The following MDH2 variants were observed in gnomAD, a reference collection of about 807,000 sequenced individuals.
MDH2 encodes malate dehydrogenase 2.
In MDH2, 25 loss-of-function variants were observed where a neutral mutation model predicts 33.6. The ratio of observed to expected loss-of-function variants is 0.74; its 90% CI spans 0.54 to 1.04. The LOEUF (loss-of-function observed/expected upper bound fraction) is 1.04. Among genes scored for constraint, MDH2 ranks in the 50% least tolerant of loss-of-function variants. The pLI is 0.00. For synonymous variants in MDH2, 193 were observed against 188.7 expected, an observed-to-expected ratio of 1.02 and a Z score of -0.19; for missense variants, 432 against 445.0, an observed-to-expected ratio of 0.97 and a Z score of 0.26.
At chr7:76,049,612 G>T (rs911482183) in intron 1 of MDH2, among the ~76,000 whole-genome samples, 1 of 152,136 alleles carries the variant, frequency 6.6e-6, no homozygotes, top group African/African-American at 2.4e-5. Context: ...GGGGTGTCCA[G>T]GGAGAGGTTG....
intron 1 of MDH2, 131 bp from the exon 2 acceptor site, chr7:76,054,699 C>A (rs1449156116): frequency 2.9e-6 from 3 of 1,052,026 alleles, no homozygotes; most frequent in East Asian, 2.4e-5. Flanking sequence ...GAGACTGTTA[C>A]AAATACAATG....
intron 4 of MDH2, among the ~76,000 whole-genome samples, chr7:76,059,253 C>T (rs927767285): frequency 6.6e-6 from 1 of 152,200 alleles, no homozygotes; most frequent in African/African-American, 2.4e-5. Context: ...CAGTTTAAAA[C>T]CCATGAATTC....
At chr7:76,051,800 T>C (rs1284942250) in intron 1 of MDH2, among the ~76,000 whole-genome samples, 1 of 152,140 alleles carries the variant, frequency 6.6e-6, no homozygotes, top group Admixed American at 6.5e-5. Flanking sequence ...CATATGTCGG[T>C]TTTCAACACA....
chr7:76,054,671 C>G (rs938398963), intron 1 of MDH2, 159 bp from the exon 2 acceptor site: 1 of 849,038 alleles, frequency 1.2e-6, no homozygotes, highest in African/African-American at 1.7e-5. Flanking sequence ...GAATGAAGGT[C>G]CTGAATTCTT....
chr7:76,066,512 T>C lies in MDH2; in HGVS notation c.*102T>C. 7.1e-7 allele frequency: 1 copy of C among 1,413,032 alleles called. No homozygotes were observed. The allele number at this position is 1,413,032 out of a possible 1,614,324, so 87.5% of individuals were successfully genotyped here. ...GTATTTTAATTTGCTTTGGTGATGA[T>C]TACTGTATTGACATCATCATGCCTT... On this transcript the variant is annotated 3_prime_UTR_variant, in exon 9 of 9. Transcript: ENST00000315758.
At chr7:76,054,803 G>C (rs528050550) in intron 1 of MDH2, 27 bp from the exon 2 acceptor site, 1 of 1,613,862 alleles carries the variant, frequency 6.2e-7, no homozygotes, top group South Asian at 1.1e-5. Flanking sequence ...TTCCTCCTAA[G>C]AGTCCTTTCT....
At chr7:76,048,970 G>T in intron 1 of MDH2, 1 of 415,926 alleles carries the variant, frequency 2.4e-6, no homozygotes, top group Non-Finnish European at 2.8e-6. Flanking sequence ...CATTGAAGAA[G>T]CTTAAGACTG....
intron 1 of MDH2, among the ~76,000 whole-genome samples, chr7:76,050,190 T>A (rs1797577248): frequency 6.6e-6 from 1 of 152,000 alleles, no homozygotes; most frequent in Admixed American, 6.6e-5. Context: ...CTACGACAGC[T>A]GGGTAATTTT....
intron 3 of MDH2, 113 bp from the exon 4 acceptor site, chr7:76,057,855 GA>G: frequency 2.2e-6 from 2 of 927,198 alleles, no homozygotes; most frequent in Non-Finnish European, 3.3e-6. Flanking sequence ...GGACTGACTT[GA>G]AACGGGGACC....
At chr7:76,054,676 A>G (rs1386238654) in intron 1 of MDH2, 154 bp from the exon 2 acceptor site, 6 of 900,132 alleles carry the variant, frequency 6.7e-6, no homozygotes, top group Non-Finnish European at 1.7e-6. Flanking sequence ...AAGGTCCTGA[A>G]TTCTTCCAGA....
At chr7:76,061,928 C>A (rs191493573) in intron 5 of MDH2, among the ~76,000 whole-genome samples, 1 of 152,352 alleles carries the variant, frequency 6.6e-6, no homozygotes, top group East Asian at 1.9e-4. Context: ...GCCACACAAA[C>A]CACATTTAAG....
rs1554587901 is a variant in MDH2 at position 76,066,364 on chromosome 7, A to G, written c.971A>G (p.Lys324Arg). 6.2e-7 allele frequency: 1 copy of G among 1,611,420 alleles called. No homozygotes were observed. The highest frequency in any genetic ancestry group is 1.3e-5 in the African/African-American group (1 of 74,220). Residue 324 changes from lysine (K) to arginine (R), a missense_variant, in exon 9 of 9, where the codon AAG becomes AGG. Transcript: ENST00000315758. ...ATCTCGGATGCCATCCCCGAGCTGA[A>G]GGCCTCCATCAAGAAGGGGGAAGAT... ...KMISDAIPEL[K>R]ASIKKGEDFV...
Position 76,054,927 on chromosome 7 carries a change from T to G in MDH2, c.164T>G (p.Leu55Arg). The change falls in exon 2 of 9, where the codon CTC becomes CGC. Residue 55 changes from leucine to arginine, a missense_variant. Coordinates refer to ENST00000315758, the MANE Select transcript of MDH2 (RefSeq NM_005918.4). ...KNSPLVSRLT[L>R]YDIAHTPGVA... ...AGCCCCTTGGTGAGCCGCCTGACCCTCTATGATATCGCGCACACACCCGGA... is the reference window on the plus strand; with the variant it reads ...AGCCCCTTGGTGAGCCGCCTGACCCGCTATGATATCGCGCACACACCCGGA... The G allele has an allele frequency of 6.2e-7, 1 of 1,614,090 alleles. No individual in the cohort carries two copies. Among genetic ancestry groups the G allele is most frequent in the Non-Finnish European group, 8.5e-7 (1 of 1,180,008 alleles).
intron 7 of MDH2, 95 bp from the exon 8 acceptor site, chr7:76,064,707 C>A: frequency 1.5e-6 from 2 of 1,372,824 alleles, no homozygotes; most frequent in Non-Finnish European, 2.0e-6. Context: ...CACTGTCAGG[C>A]TGGAAGGTGT....
chr7:76,051,007 G>A (rs1407589412), intron 1 of MDH2, among the ~76,000 whole-genome samples: 1 of 152,090 alleles, frequency 6.6e-6, no homozygotes, highest in Non-Finnish European at 1.5e-5. Context: ...TCAGCCTCCT[G>A]AGTAGCTGGG....
chr7:76,058,202 T>G, intron 4 of MDH2, 124 bp downstream of exon 4: 1 of 854,070 alleles, frequency 1.2e-6, no homozygotes, highest in South Asian at 1.6e-5. Context: ...GATACACAGA[T>G]GAAGGGGCTG....
intron 8 of MDH2, 92 bp from the exon 9 acceptor site, chr7:76,066,187 T>G: frequency 6.7e-7 from 1 of 1,502,810 alleles, no homozygotes; most frequent in Middle Eastern, 1.8e-4. Context: ...GTAGAGAGAC[T>G]CCTCGGCAGG....
rs782350483 is a variant in MDH2 at position 76,060,410 on chromosome 7, A to G, written c.467A>G (p.Lys156Arg). 1.9e-6 allele frequency: 3 copies of G among 1,614,148 alleles called. No homozygotes were observed. Among genetic ancestry groups the G allele is most frequent in the South Asian group, 2.2e-5 (2 of 91,088 alleles). ...STIPITAEVF[K>R]KHGVYNPNKI... is the part of the protein sequence containing the mutation. ...ATCCCCATCACAGCAGAAGTTTTCA[A>G]GAAGCATGGAGTGTACAACCCCAAC... Residue 156 changes from lysine to arginine, a missense_variant, in exon 5 of 9, where the codon AAG becomes AGG. Lys to Arg is a conservative substitution (Grantham distance 26). Coordinates refer to ENST00000315758, the MANE Select transcript of MDH2 (RefSeq NM_005918.4).
intron 6 of MDH2, 140 bp downstream of exon 6, chr7:76,063,732 C>T (rs1289770818): frequency 2.6e-6 from 2 of 783,812 alleles, no homozygotes; most frequent in Non-Finnish European, 2.2e-6. Context: ...GGCAGCCCCG[C>T]CCCTCTGCTG....
Sources: gnomAD v4.1 joint callset for allele counts (sites outside exome capture counted in the v4.1 genomes callset) on GRCh38, gnomAD v4.1.1 for gene constraint, MANE v1.5 for transcripts, NCBI Gene and HGNC (gene_info 2026-07-23, HGNC 2026-07-21) for gene names.